Variants in RTKN2 observed in about 807,000 individuals in gnomAD.
RTKN2 encodes rhotekin-2.
Under a neutral mutation model 71.5 loss-of-function variants are expected in RTKN2, and 69 were observed. That is an observed-to-expected ratio of 0.96 (90% CI 0.79 to 1.18). The LOEUF (loss-of-function observed/expected upper bound fraction) is 1.18. RTKN2 is among the 50% of genes most tolerant of loss of function. The pLI is 0.00. For synonymous variants in RTKN2, 236 were observed against 236.5 expected (o/e 1.00, Z 0.02); for missense variants, 724 against 719.7 (o/e 1.01, Z -0.07).
At chr10:62,265,355 A>C (rs575940848) in intron 1 of RTKN2, among the ~76,000 whole-genome samples, 3 of 152,276 alleles carry the variant, frequency 2.0e-5, no homozygotes, top group Non-Finnish European at 4.4e-5. Context: ...ACAGAGACTG[A>C]GTGGCCTGCA....
intron 2 of RTKN2, among the ~76,000 whole-genome samples, chr10:62,247,402 T>C (rs1842499175): frequency 6.6e-6 from 1 of 152,014 alleles, no homozygotes; most frequent in African/African-American, 2.4e-5. Flanking sequence ...ATAGTATTTA[T>C]AGAATTATAC....
Position 62,197,712 on chromosome 10 carries a change from C to G in RTKN2, c.*196G>C. On this transcript the variant is annotated 3_prime_UTR_variant, in exon 12 of 12. Coordinates refer to ENST00000373789, the MANE Select transcript of RTKN2 (RefSeq NM_145307.4). ...GCCTCTTGCACACTGCTGGAGAAAT[C>G]ACTTACATTCTGCAAATCAGGAGTA... The G allele has an allele frequency of 7.1e-7, 1 of 1,400,382 alleles. No homozygotes were observed. Among genetic ancestry groups the G allele is most frequent in the Non-Finnish European group, 9.2e-7 (1 of 1,083,274 alleles). The allele number at this position is 1,400,382 out of a possible 1,614,324, so 86.7% of individuals were successfully genotyped here. A position where few individuals can be genotyped will look rare whatever the true frequency, so the allele number is the denominator to read the frequency against.
chr10:62,226,891 G>A (rs556892014), intron 6 of RTKN2, among the ~76,000 whole-genome samples: 1 of 152,292 alleles, frequency 6.6e-6, no homozygotes. Context: ...AACCCGGGAG[G>A]CGGAGGCTGC....
At position 62,241,052 on chromosome 10, in the gene RTKN2, T is replaced by C. The variant is rs185880960; in HGVS notation, c.370+90A>G. ...TATTCTTTCAAATGACATCAATTTA[T>C]TTCAGCAAGGAAGCAGTCTTTTTTC... On this transcript the variant is annotated intron_variant, in intron 4 of 11. Transcript: ENST00000373789. 6.2e-4 allele frequency: 422 copies of C among 676,846 alleles called. 1 individual carries two copies. The highest frequency in any genetic ancestry group is 9.1e-4 in the Non-Finnish European group (356 of 392,196). The allele number at this position is 676,846 out of a possible 1,614,324, so 41.9% of individuals were successfully genotyped here.
At chr10:62,258,882 A>G (rs944466496) in intron 2 of RTKN2, among the ~76,000 whole-genome samples, 1 of 152,124 alleles carries the variant, frequency 6.6e-6, no homozygotes, top group Non-Finnish European at 1.5e-5. Context: ...ATGGAGGTAC[A>G]TGGGTTTTTA....
chr10:62,236,011 TA>T, intron 6 of RTKN2, 54 bp downstream of exon 6: 1 of 1,275,570 alleles, frequency 7.8e-7, no homozygotes, highest in Non-Finnish European at 1.1e-6. Flanking sequence ...TATAATACTT[TA>T]AAATATCACA....
intron 6 of RTKN2, among the ~76,000 whole-genome samples, chr10:62,225,341 T>C (rs7100297): frequency 0.57 from 87,135 of 152,056 alleles, 25,442 homozygotes; most frequent in East Asian, 0.9. Flanking sequence ...CCCTTCCCAC[T>C]ATCTGGAACT....
chr10:62,254,709 GT>G (rs1842642691), intron 2 of RTKN2, among the ~76,000 whole-genome samples: 1 of 152,206 alleles, frequency 6.6e-6, no homozygotes, highest in South Asian at 2.1e-4. Context: ...GGAGGCTGAG[GT>G]GGGAGGACTG....
chr10:62,222,363 C>T (rs1462940183), intron 7 of RTKN2, among the ~76,000 whole-genome samples: 5 of 152,096 alleles, frequency 3.3e-5, no homozygotes, highest in Non-Finnish European at 7.4e-5. Context: ...CCTCCCATCT[C>T]GTCCTCCCAA....
At chr10:62,206,209 T>C (rs1841545912) in intron 9 of RTKN2, among the ~76,000 whole-genome samples, 2 of 152,112 alleles carry the variant, frequency 1.3e-5, no homozygotes, top group Admixed American at 1.3e-4. Context: ...GCACTGTACA[T>C]AGTGGTTCAA....
intron 3 of RTKN2, 151 bp downstream of exon 3, chr10:62,245,848 T>C (rs1842469150): frequency 1.7e-6 from 1 of 575,402 alleles, no homozygotes; most frequent in Non-Finnish European, 3.1e-6. Flanking sequence ...ATGTAGCATA[T>C]AATGCTAAAA....
At chr10:62,185,815 A>G (rs777472433) in intron 8 of RTKN2, among the ~76,000 whole-genome samples, 24 of 152,202 alleles carry the variant, frequency 1.6e-4, no homozygotes, top group African/African-American at 2.4e-4. Context: ...CCAAAACAGT[A>G]TATCAGGTGC....
At chr10:62,249,351 A>G (rs1171675870) in intron 2 of RTKN2, among the ~76,000 whole-genome samples, 1 of 148,782 alleles carries the variant, frequency 6.7e-6, no homozygotes, top group African/African-American at 2.5e-5. Flanking sequence ...GGTCAAGAAG[A>G]ATGAACTGGG....
At position 62,262,702 on chromosome 10, in the gene RTKN2, C is replaced by T. The variant is rs1291696414; in HGVS notation, c.180G>A (p.Val60=). The part of the protein sequence containing the change: ...QVLHAVKNLM[V]CNARLMAYTS... ...TATAGGCCATTAGTCGAGCATTGCA[C>T]ACCATGAGATTCTTAACTGCATGTA... Residue 60 remains valine (V), a synonymous_variant, in exon 2 of 12, where the codon GTG becomes GTA. Transcript: ENST00000373789. 4 of 1,613,552 alleles carry T rather than the reference C, an allele frequency of 2.5e-6. No individual in the cohort carries two copies. The highest frequency in any genetic ancestry group is 2.2e-5 in the East Asian group (1 of 44,850).
In RTKN2 at chr10:62,194,188, C is replaced by T; in HGVS notation, c.*3720G>A. 1 of 983,100 alleles carries T rather than the reference C, an allele frequency of 1.0e-6. No individual in the cohort carries two copies. Among genetic ancestry groups the T allele is most frequent in the Non-Finnish European group, 1.2e-6 (1 of 827,848 alleles). The allele number at this position is 983,100 out of a possible 1,614,324, so 60.9% of individuals were successfully genotyped here. Reference sequence around the variant, plus strand: ...ACACAAGCATGTCAGAAAATCAACACACCCTAATATATTTTCAAATGATGA... The same window carrying T: ...ACACAAGCATGTCAGAAAATCAACATACCCTAATATATTTTCAAATGATGA... On this transcript the variant is annotated 3_prime_UTR_variant, in exon 12 of 12. Transcript: ENST00000373789.
At chr10:62,208,654 T>C (rs1429784235) in intron 9 of RTKN2, among the ~76,000 whole-genome samples, 1 of 151,800 alleles carries the variant, frequency 6.6e-6, no homozygotes, top group African/African-American at 2.4e-5. Flanking sequence ...GACATATAAA[T>C]GGGAAAAAAC....
chr10:62,259,724 G>C (rs1011439224), intron 2 of RTKN2, among the ~76,000 whole-genome samples: 1 of 151,992 alleles, frequency 6.6e-6, no homozygotes, highest in Non-Finnish European at 1.5e-5. Context: ...GCTAATTTTT[G>C]TCTTTTTTGT....
intron 9 of RTKN2, among the ~76,000 whole-genome samples, chr10:62,216,146 A>G (rs1021380232): frequency 3.3e-5 from 5 of 152,024 alleles, no homozygotes; most frequent in African/African-American, 1.2e-4. Context: ...TCAAGTCTTT[A>G]TAGATCAGTA....
intron 2 of RTKN2, among the ~76,000 whole-genome samples, chr10:62,251,247 T>C (rs186761348): frequency 1.3e-5 from 2 of 152,226 alleles, no homozygotes; most frequent in African/African-American, 4.8e-5. Flanking sequence ...GGGAACACAT[T>C]TGCATAGCTT....
Sources: gnomAD v4.1 joint callset for allele counts (sites outside exome capture counted in the v4.1 genomes callset) on GRCh38, gnomAD v4.1.1 for gene constraint, MANE v1.5 for transcripts, NCBI Gene and HGNC (gene_info 2026-07-23, HGNC 2026-07-21) for gene names.